Variants in C3orf33 observed in about 807,000 individuals in gnomAD.
The protein encoded by C3orf33 is AP-1 activity suppressor.
A neutral mutation model predicts 28.7 loss-of-function variants in C3orf33; 23 were observed. That is an observed-to-expected ratio of 0.80 (90% CI 0.58 to 1.13). C3orf33 has a LOEUF of 1.13. C3orf33 is among the 50% of genes most tolerant of loss of function. The pLI is 0.00. For missense variants in C3orf33, 327 were observed against 353.4 expected (o/e 0.93, Z 0.60); for synonymous variants, 119 against 120.5 (o/e 0.99, Z 0.08).
At chr3:155,789,795 C>A (rs375296033) in intron 2 of C3orf33, among the ~76,000 whole-genome samples, 1 of 151,972 alleles carries the variant, frequency 6.6e-6, no homozygotes, top group African/African-American at 2.4e-5. Flanking sequence ...AACAGAGAGG[C>A]CAGGAATAAA....
chr3:155,800,534 TAA>T (rs1216326231), intron 2 of C3orf33, among the ~76,000 whole-genome samples: 1 of 134,322 alleles, frequency 7.4e-6, no homozygotes, highest in Non-Finnish European at 1.5e-5. Context: ...CACTTGAGGC[TAA>T]GAGGTTGAGG....
intron 2 of C3orf33, among the ~76,000 whole-genome samples, chr3:155,782,275 A>C (rs1169233491): frequency 6.6e-6 from 1 of 151,964 alleles, no homozygotes; most frequent in African/African-American, 2.4e-5. Flanking sequence ...CATTAAATGA[A>C]CCAACATATG....
intron 3 of C3orf33, among the ~76,000 whole-genome samples, chr3:155,773,953 G>A (rs760828036): frequency 6.6e-6 from 1 of 152,162 alleles, no homozygotes; most frequent in Non-Finnish European, 1.5e-5. Context: ...TTTATTAAAA[G>A]AATTAATGGT....
chr3:155,786,363 T>C (rs529511349), intron 2 of C3orf33, among the ~76,000 whole-genome samples: 7 of 152,084 alleles, frequency 4.6e-5, no homozygotes, highest in African/African-American at 7.2e-5. Flanking sequence ...GACAAATCTT[T>C]AGCTAAATGG....
At chr3:155,803,732 A>T (rs571134740) in intron 1 of C3orf33, among the ~76,000 whole-genome samples, 33 of 138,604 alleles carry the variant, frequency 2.4e-4, no homozygotes, top group South Asian at 4.7e-4. Context: ...AATACAAAAA[A>T]CTAGCTGGAC....
intron 4 of C3orf33, among the ~76,000 whole-genome samples, chr3:155,766,132 G>C (rs116746304): frequency 1.3e-5 from 2 of 152,110 alleles, no homozygotes. Flanking sequence ...AGGCTGAAGC[G>C]TTCCTCCCAC....
Position 155,763,542 on chromosome 3 carries a change from C to A in C3orf33, c.860G>T (p.Arg287Leu), listed in dbSNP as rs376595804. Residue 287 changes from arginine (R) to leucine (L), a missense_variant, in exon 5 of 5, where the codon CGC (arginine) becomes CTC (leucine). Arg to Leu is a moderately radical substitution (Grantham distance 102). Coordinates refer to ENST00000340171, the MANE Select transcript of C3orf33 (RefSeq NM_001308229.2). ...TCACCCTTTTCTACGAAAGTTTATGCGACTTATAAGTTCTCTGAACTTCAG... is the reference window on the plus strand; with the variant it reads ...TCACCCTTTTCTACGAAAGTTTATGAGACTTATAAGTTCTCTGAACTTCAG... ...LILKFRELIS[R>L]INFRRKG 87 of 1,514,632 alleles carry A rather than the reference C, an allele frequency of 5.7e-5. No homozygotes were observed. The highest frequency in any genetic ancestry group is 5.7e-5 in the Non-Finnish European group (65 of 1,139,046). The allele number at this position is 1,514,632 out of a possible 1,614,324, so 93.8% of individuals were successfully genotyped here. A position where few individuals can be genotyped will look rare whatever the true frequency, so the allele number is the denominator to read the frequency against.
intron 2 of C3orf33, among the ~76,000 whole-genome samples, chr3:155,797,831 G>A (rs1226664019): frequency 6.6e-6 from 1 of 152,198 alleles, no homozygotes; most frequent in Non-Finnish European, 1.5e-5. Flanking sequence ...AGCACTTTGG[G>A]AGGCCGAGGT....
At chr3:155,773,673 T>C (rs1192307521) in intron 3 of C3orf33, among the ~76,000 whole-genome samples, 1 of 152,228 alleles carries the variant, frequency 6.6e-6, no homozygotes, top group African/African-American at 2.4e-5. Context: ...TGCTGTGGCA[T>C]TGCATGATTT....
intron 2 of C3orf33, among the ~76,000 whole-genome samples, chr3:155,802,138 C>G (rs1751667880): frequency 6.6e-6 from 1 of 152,148 alleles, no homozygotes; most frequent in South Asian, 2.1e-4. Flanking sequence ...AATGTGCTAA[C>G]TGGAAGCATA....
At chr3:155,781,955 A>G (rs1157813082) in intron 2 of C3orf33, among the ~76,000 whole-genome samples, 1 of 151,628 alleles carries the variant, frequency 6.6e-6, no homozygotes, top group Non-Finnish European at 1.5e-5. Context: ...ATGTGCTTGT[A>G]GTCCCAGCTA....
chr3:155,805,010 T>C (rs1258835541), intron 1 of C3orf33, among the ~76,000 whole-genome samples: 2 of 152,196 alleles, frequency 1.3e-5, no homozygotes, highest in African/African-American at 4.8e-5. Flanking sequence ...TCAGCAACTA[T>C]TACCAGCCTC....
chr3:155,792,955 T>C (rs1487655698), intron 2 of C3orf33, among the ~76,000 whole-genome samples: 1 of 152,034 alleles, frequency 6.6e-6, no homozygotes, highest in African/African-American at 2.4e-5. Context: ...TAGAGAAAGA[T>C]ACTGATATTC....
rs1750284422 is a variant in C3orf33 at position 155,763,104 on chromosome 3, A to C, written c.*413T>G. The C allele has an allele frequency of 6.5e-6, 1 of 153,508 alleles. No individual in the cohort carries two copies. The highest frequency in any genetic ancestry group is 1.4e-5 in the Non-Finnish European group (1 of 69,106). 9.5% of individuals were successfully genotyped at this position (153,508 alleles called of 1,614,324 possible). ...TTGAACCCAGGAAGCAGGAGGTTGC[A>C]GTGAGCCAAGATCACGCCATTGCAC... On this transcript the variant is annotated 3_prime_UTR_variant, in exon 5 of 5. Transcript: ENST00000340171.
At chr3:155,801,481 T>C (rs1261737678) in intron 2 of C3orf33, among the ~76,000 whole-genome samples, 1 of 152,040 alleles carries the variant, frequency 6.6e-6, no homozygotes, top group African/African-American at 2.4e-5. Flanking sequence ...CAAGTGTCCA[T>C]CAACAAATGA....
chr3:155,802,644 G>T, intron 1 of C3orf33, 53 bp from the exon 2 acceptor site: 1 of 1,317,290 alleles, frequency 7.6e-7, no homozygotes, highest in Non-Finnish European at 1.1e-6. Context: ...TCACAATAAT[G>T]AAAGCACTAA....
intron 2 of C3orf33, among the ~76,000 whole-genome samples, chr3:155,780,257 G>A (rs905211915): frequency 2.0e-5 from 3 of 152,080 alleles, no homozygotes; most frequent in Non-Finnish European, 4.4e-5. Flanking sequence ...AGCTTCAGAC[G>A]GTGAAGAAGA....
intron 3 of C3orf33, among the ~76,000 whole-genome samples, chr3:155,773,073 C>T (rs1018771083): frequency 2.0e-5 from 3 of 152,022 alleles, no homozygotes. Context: ...GATCTTAGCC[C>T]TCCTCAGAAA....
chr3:155,781,046 G>A (rs991137025), intron 2 of C3orf33, among the ~76,000 whole-genome samples: 4 of 150,962 alleles, frequency 2.6e-5, no homozygotes, highest in African/African-American at 7.3e-5. Flanking sequence ...GTGGGACTGC[G>A]GACTGCAGTG....
Sources: allele counts gnomAD v4.1 joint callset (sites outside exome capture counted in the v4.1 genomes callset), GRCh38; gene constraint gnomAD v4.1.1; transcripts MANE v1.5; gene names NCBI Gene and HGNC (gene_info 2026-07-23, HGNC 2026-07-21).